The following TRIM9 variants were observed in gnomAD, a reference collection of about 807,000 sequenced individuals.
TRIM9 encodes E3 ubiquitin-protein ligase TRIM9.
In TRIM9, 26 loss-of-function variants were observed where a neutral mutation model predicts 78.3. The observed-to-expected ratio is 0.33, with a 90% CI of 0.24 to 0.46. The LOEUF (loss-of-function observed/expected upper bound fraction) is 0.46. Ranked by LOEUF, TRIM9 falls within the 20% of genes least tolerant of loss-of-function variation. The pLI is 1.00. For missense variants in TRIM9, 787 were observed against 1,036.4 expected (o/e 0.76, Z 3.30); for synonymous variants, 398 against 416.5 (o/e 0.96, Z 0.54).
chr14:50,996,474 C>T (rs1284944953), intron 7 of TRIM9: 4 of 985,296 alleles, frequency 4.1e-6, no homozygotes, highest in Non-Finnish European at 3.6e-6. Flanking sequence ...TAGTATGATT[C>T]CCATGATGTA....
chr14:51,020,262 A>AG lies in TRIM9; in HGVS notation c.1041+2572dup, dbSNP rs1169879824. Reference sequence around the variant, plus strand: ...AAGAGTGACAAGAAAGGGAAAAGGCAGGGGGAGAGGAGAGCGAGCGAGCCG... The same window carrying AG: ...AAGAGTGACAAGAAAGGGAAAAGGCAGGGGGGAGAGGAGAGCGAGCGAGCCG... On this transcript the variant is annotated intron_variant, in intron 3 of 12. Transcript: ENST00000684578. Among the ~76,000 whole-genome samples, 5 of 152,174 alleles carry AG rather than the reference A, an allele frequency of 3.3e-5. No homozygotes were observed. In the East Asian group the frequency reaches 9.6e-4, roughly 29 times the overall value.
intron 1 of TRIM9, among the ~76,000 whole-genome samples, chr14:51,053,914 C>G (rs1318181730): frequency 6.6e-6 from 1 of 152,124 alleles, no homozygotes; most frequent in East Asian, 1.9e-4. Flanking sequence ...AAGAGTGAAT[C>G]TACAATGGTT....
At chr14:51,070,367 C>G (rs569837031) in intron 1 of TRIM9, among the ~76,000 whole-genome samples, 1 of 152,072 alleles carries the variant, frequency 6.6e-6, no homozygotes, top group Non-Finnish European at 1.5e-5. Context: ...ATTTTGTGAC[C>G]AGAGGCTCAC....
chr14:51,000,958 A>G, intron 5 of TRIM9, 118 bp from the exon 6 acceptor site: 1 of 1,196,120 alleles, frequency 8.4e-7, no homozygotes, highest in Non-Finnish European at 1.2e-6. Context: ...TGGGGTGCAC[A>G]GGGGAACTGA....
At chr14:51,077,665 A>AT (rs1224268241) in intron 1 of TRIM9, among the ~76,000 whole-genome samples, 2 of 152,144 alleles carry the variant, frequency 1.3e-5, no homozygotes, top group African/African-American at 4.8e-5. Context: ...AAGTGCTGGG[A>AT]TTACAGGCAT....
At chr14:51,076,791 C>G (rs2062821979) in intron 1 of TRIM9, among the ~76,000 whole-genome samples, 1 of 152,204 alleles carries the variant, frequency 6.6e-6, no homozygotes, top group African/African-American at 2.4e-5. Flanking sequence ...GGTCAAATAA[C>G]TAACCCAAGT....
chr14:50,997,613 A>G, intron 7 of TRIM9: 1 of 1,013,154 alleles, frequency 9.9e-7, no homozygotes. Context: ...ACGACTGGAA[A>G]GAACCTAGGT....
intron 3 of TRIM9, among the ~76,000 whole-genome samples, chr14:51,017,398 C>G (rs900906243): frequency 6.6e-6 from 1 of 152,186 alleles, no homozygotes. Flanking sequence ...AGATTTTTAA[C>G]AGTAAAGCTG....
chr14:51,010,103 T>C (rs958575776), intron 4 of TRIM9, among the ~76,000 whole-genome samples: 10 of 146,238 alleles, frequency 6.8e-5, no homozygotes, highest in South Asian at 2.2e-4. Context: ...TATGTTTTCA[T>C]GATTAAACAA....
rs1002619274 is a variant in TRIM9, at chr14:50,979,130, T to C, written c.2325+257A>G. On this transcript the variant is annotated intron_variant, in intron 12 of 12. Transcript: ENST00000684578. ...AAACTAGAGCTACAGAGATGATCAT[T>C]AGCCAACCATGAAGAGAATTCTAGT... 4 of 1,400,528 alleles carry C rather than the reference T, an allele frequency of 2.9e-6. No individual in the cohort carries two copies. The African/African-American group carries it at 5.8e-5, about 20-fold the overall frequency. The allele number at this position is 1,400,528 out of a possible 1,614,324, so 86.8% of individuals were successfully genotyped here. A position where few individuals can be genotyped will look rare whatever the true frequency, so the allele number is the denominator to read the frequency against.
At chr14:51,029,249 C>T (rs2058520307) in intron 1 of TRIM9, among the ~76,000 whole-genome samples, 2 of 152,244 alleles carry the variant, frequency 1.3e-5, no homozygotes, top group South Asian at 2.1e-4. Context: ...CAGGATGGGT[C>T]AAAAGGGTCA....
rs555065160 is a variant in TRIM9 at position 51,018,398 on chromosome 14, A to C, written c.1041+4437T>G. Among the ~76,000 whole-genome samples, 3 of 148,358 alleles carry C rather than the reference A, an allele frequency of 2.0e-5. No individual in the cohort carries two copies. The South Asian group carries it at 6.3e-4, about 31-fold the overall frequency. On this transcript the variant is annotated intron_variant, in intron 3 of 12. Coordinates refer to ENST00000684578, the MANE Select transcript of TRIM9 (RefSeq NM_001387360.1). Reference sequence around the variant, plus strand: ...TCTTTCTTTCCTCTCTCTCATCTGAATCAAAGGATTATTTGCCTGTCATAA... The same window carrying C: ...TCTTTCTTTCCTCTCTCTCATCTGACTCAAAGGATTATTTGCCTGTCATAA...
At chr14:51,055,038 A>G (rs1172168098) in intron 1 of TRIM9, among the ~76,000 whole-genome samples, 1 of 136,914 alleles carries the variant, frequency 7.3e-6, no homozygotes, top group East Asian at 2.2e-4. Context: ...GTTGGCCAGG[A>G]TGGTCTTGAT....
chr14:51,073,337 A>G (rs767842292), intron 1 of TRIM9, among the ~76,000 whole-genome samples: 2 of 152,196 alleles, frequency 1.3e-5, no homozygotes, highest in Non-Finnish European at 2.9e-5. Flanking sequence ...ATGCACCAAA[A>G]GACAGGTGCT....
chr14:51,070,956 G>A (rs1245197719), intron 1 of TRIM9, among the ~76,000 whole-genome samples: 1 of 152,106 alleles, frequency 6.6e-6, no homozygotes, highest in Non-Finnish European at 1.5e-5. Context: ...AGAAAATGAT[G>A]AGTCAGAGAT....
At chr14:51,075,195 T>C (rs1400763263) in intron 1 of TRIM9, among the ~76,000 whole-genome samples, 1 of 152,134 alleles carries the variant, frequency 6.6e-6, no homozygotes, top group Non-Finnish European at 1.5e-5. Flanking sequence ...AGGATCCAAA[T>C]AGGGACCTCA....
intron 1 of TRIM9, among the ~76,000 whole-genome samples, chr14:51,054,069 T>C (rs558758679): frequency 5.3e-5 from 8 of 152,216 alleles, no homozygotes; most frequent in Admixed American, 4.6e-4. Context: ...ACAGAATTAA[T>C]CTTTCTTTAG....
chr14:50,982,652 T>C lies in TRIM9; in HGVS notation c.1858+290A>G, dbSNP rs554693846. ...AGCAACATAAACTAATTTTCATGAG[T>C]GATTGTGACTTGCATGTAGGACAGG... On this transcript the variant is annotated intron_variant, in intron 10 of 12. Coordinates refer to ENST00000684578, the MANE Select transcript of TRIM9 (RefSeq NM_001387360.1). The C allele has an allele frequency of 3.2e-5, 14 of 432,458 alleles. 1 individual carries two copies. In the South Asian group the frequency reaches 6.6e-4, roughly 20 times the overall value. 26.8% of individuals were successfully genotyped at this position (432,458 alleles called of 1,614,324 possible).
chr14:51,036,781 G>A (rs1319608928), intron 1 of TRIM9, among the ~76,000 whole-genome samples: 1 of 152,042 alleles, frequency 6.6e-6, no homozygotes, highest in South Asian at 2.1e-4. Flanking sequence ...TGGTATAACT[G>A]CCCATCATTT....
Sources: gnomAD v4.1 joint callset for allele counts (sites outside exome capture counted in the v4.1 genomes callset) on GRCh38, gnomAD v4.1.1 for gene constraint, MANE v1.5 for transcripts, NCBI Gene and HGNC (gene_info 2026-07-23, HGNC 2026-07-21) for gene names.